Variants in ENKUR observed in about 807,000 individuals in gnomAD.
The protein encoded by ENKUR is enkurin, TRPC channel interacting protein.
In ENKUR, 19 loss-of-function variants were observed where a neutral mutation model predicts 27.6. The ratio of observed to expected loss-of-function variants is 0.69; its 90% confidence interval spans 0.48 to 1.01. The LOEUF (loss-of-function observed/expected upper bound fraction) is 1.01, where lower values mean the gene tolerates loss of function less well. ENKUR is among the 50% of genes least tolerant of loss of function. The probability of loss-of-function intolerance (pLI) is 0.00; values close to 1 mark genes in which losing one functional copy is unlikely to be tolerated. For missense variants in ENKUR, 312 were observed against 310.5 expected, an observed-to-expected ratio of 1.00 and a Z score of -0.04; for synonymous variants, 117 against 96.9, an observed-to-expected ratio of 1.21 and a Z score of -1.22.
chr10:25,036,265 T>C (rs1395425173), intron 2 of ENKUR, among the ~76,000 whole-genome samples: 2 of 152,166 alleles, frequency 1.3e-5, no homozygotes, highest in South Asian at 2.1e-4. Context: ...TCACGAGATC[T>C]GATGGTTTTA....
intron 2 of ENKUR, among the ~76,000 whole-genome samples, chr10:24,996,456 G>GTGTGTGTATATATA (rs757314440): frequency 1.3e-5 from 2 of 149,712 alleles, no homozygotes; most frequent in African/African-American, 4.9e-5. Flanking sequence ...GTGTGTGTGT[G>GTGTGTGTATATATA]TATATATATA....
chr10:24,989,853 G>A (rs570091458), intron 4 of ENKUR, among the ~76,000 whole-genome samples: 6 of 152,140 alleles, frequency 3.9e-5, no homozygotes, highest in South Asian at 2.1e-4. Flanking sequence ...TTAATTAAAC[G>A]CTCATACAAA....
At position 24,984,741 on chromosome 10, in the gene ENKUR, G is replaced by T; in HGVS notation, c.759C>A (p.Ala253=). 1.2e-6 allele frequency: 2 copies of T among 1,605,566 alleles called. No individual in the cohort carries two copies. The highest frequency in any genetic ancestry group is 1.1e-5 in the South Asian group (1 of 87,974). The stretch of plus-strand genomic sequence containing the variant: ...CTTTAAAGATCCATTCTTACTTATT[G>T]GCAATATAAATAATCTTGTGCTTTT... The part of the protein sequence containing the change: ...IIEKHKIIYI[A]NNA The change falls in exon 5 of 6, where the codon GCC becomes GCA. Residue 253 remains alanine (A), a synonymous_variant. Transcript: ENST00000331161.
At chr10:25,018,665 T>G (rs1269795266), upstream of ENKUR, among the ~76,000 whole-genome samples, 803 of 150,830 alleles carry the variant, frequency 5.3e-3, 16 homozygotes, top group African/African-American at 0.017. Flanking sequence ...AGTTGTTTTT[T>G]TTTTTTTTTT....
At chr10:25,001,810 G>C (rs1850194440) in intron 1 of ENKUR, among the ~76,000 whole-genome samples, 2 of 152,046 alleles carry the variant, frequency 1.3e-5, no homozygotes, top group Non-Finnish European at 2.9e-5. Context: ...TTAAGGTCTT[G>C]TCTACTGATT....
At chr10:25,014,064 G>A (rs1850510963) in intron 1 of ENKUR, among the ~76,000 whole-genome samples, 1 of 152,154 alleles carries the variant, frequency 6.6e-6, no homozygotes, top group South Asian at 2.1e-4. Flanking sequence ...TGACTCTGAG[G>A]CTTTCATAAC....
At chr10:25,017,498 AT>A (rs1850628454), upstream of ENKUR, among the ~76,000 whole-genome samples, 1 of 152,146 alleles carries the variant, frequency 6.6e-6, no homozygotes. Context: ...TGGCGGAGTG[AT>A]TAAAACAACA....
At chr10:25,030,949 C>T (rs918688018) in intron 2 of ENKUR, among the ~76,000 whole-genome samples, 2 of 152,022 alleles carry the variant, frequency 1.3e-5, no homozygotes, top group Non-Finnish European at 2.9e-5. Flanking sequence ...GAAACCCCGT[C>T]TCTACTAATA....
chr10:24,983,089 CAG>C lies in ENKUR; in HGVS notation c.*1279_*1280del, dbSNP rs1258166605. ...GGCAGAGAAAGACTGCCTGGATCAA[CAG>C]AGTCACCAGACAAAAGGAGACTGGG... On this transcript the variant is annotated 3_prime_UTR_variant, in exon 6 of 6. Coordinates refer to ENST00000331161, the MANE Select transcript of ENKUR (RefSeq NM_145010.4). 6.6e-6 allele frequency: 1 copy of C among 152,200 alleles called. No individual in the cohort carries two copies. Among genetic ancestry groups the C allele is most frequent in the Non-Finnish European group, 1.5e-5 (1 of 68,044 alleles). The allele number at this position is 152,200 out of a possible 1,614,324, so 9.4% of individuals were successfully genotyped here. A position where few individuals can be genotyped will look rare whatever the true frequency, so the allele number is the denominator to read the frequency against.
intron 2 of ENKUR, among the ~76,000 whole-genome samples, chr10:25,028,784 C>A (rs1850899832): frequency 6.6e-6 from 1 of 152,178 alleles, no homozygotes. Flanking sequence ...CAATGGAACA[C>A]AACTCACCTT....
At chr10:25,014,905 G>A (rs1258431542) in intron 1 of ENKUR, among the ~76,000 whole-genome samples, 1 of 151,984 alleles carries the variant, frequency 6.6e-6, no homozygotes, top group Non-Finnish European at 1.5e-5. Flanking sequence ...GATCTAAAAG[G>A]GGCCTTGGAT....
chr10:25,053,977 G>A (rs1161823121), intron 2 of ENKUR, among the ~76,000 whole-genome samples: 1 of 152,136 alleles, frequency 6.6e-6, no homozygotes, highest in East Asian at 1.9e-4. Flanking sequence ...CCTGACATCG[G>A]TGTTTATCAT....
At chr10:25,024,679 G>T (rs1289647382) in intron 2 of ENKUR, 1 of 1,614,158 alleles carries the variant, frequency 6.2e-7, no homozygotes, top group South Asian at 1.1e-5. Context: ...TCATGCTTCC[G>T]CATATCTTGA....
intron 1 of ENKUR, among the ~76,000 whole-genome samples, chr10:25,061,634 A>G (rs1344042475): frequency 6.6e-6 from 1 of 152,190 alleles, no homozygotes; most frequent in Admixed American, 6.5e-5. Context: ...TCGGAAAATC[A>G]ACATGTTTCT....
At chr10:25,061,223 C>A (rs1041027896) in exon 2 of ENKUR, 1 of 1,380,342 alleles carries the variant, frequency 7.2e-7, no homozygotes, top group Non-Finnish European at 9.9e-7. Flanking sequence ...GCTTTGAAAT[C>A]GACCCTGGTT....
chr10:25,014,275 G>T (rs1176964067), intron 1 of ENKUR, among the ~76,000 whole-genome samples: 4 of 152,310 alleles, frequency 2.6e-5, no homozygotes, highest in African/African-American at 9.6e-5. Flanking sequence ...GCAGTTGTCA[G>T]AATCTTGCCA....
At chr10:25,006,403 A>G (rs904921109) in intron 1 of ENKUR, among the ~76,000 whole-genome samples, 2 of 151,874 alleles carry the variant, frequency 1.3e-5, no homozygotes, top group African/African-American at 4.8e-5. Flanking sequence ...CTCCTCTGTG[A>G]CTACTGCTTT....
chr10:25,031,566 T>C (rs1410574098), intron 2 of ENKUR, among the ~76,000 whole-genome samples: 1 of 152,154 alleles, frequency 6.6e-6, no homozygotes, highest in Non-Finnish European at 1.5e-5. Context: ...TTATAAAATA[T>C]TAAATAACTG....
At chr10:25,022,460 T>C (rs1850740870) in intron 2 of ENKUR, among the ~76,000 whole-genome samples, 1 of 152,210 alleles carries the variant, frequency 6.6e-6, no homozygotes, top group African/African-American at 2.4e-5. Flanking sequence ...CTTAACTATT[T>C]GTATAATATA....
Sources: gnomAD v4.1 joint callset for allele counts (sites outside exome capture counted in the v4.1 genomes callset) on GRCh38, gnomAD v4.1.1 for gene constraint, MANE v1.5 for transcripts, NCBI Gene and HGNC (gene_info 2026-07-23, HGNC 2026-07-21) for gene names.